The following PLEKHA4 variants were observed in gnomAD, a reference collection of about 807,000 sequenced individuals.
The protein encoded by PLEKHA4 is pleckstrin homology domain-containing family A member 4.
A neutral mutation model predicts 94.7 loss-of-function variants in PLEKHA4; 73 were observed. That is an observed-to-expected ratio of 0.77 (90% confidence interval 0.64 to 0.94). The LOEUF (loss-of-function observed/expected upper bound fraction) is 0.94, where lower values mean the gene tolerates loss of function less well. Among genes scored for constraint, PLEKHA4 ranks in the 40% least tolerant of loss-of-function variants. The probability of loss-of-function intolerance (pLI) is 0.00; values close to 1 mark genes in which losing one functional copy is unlikely to be tolerated. For missense variants in PLEKHA4, 1,049 were observed against 1,054.1 expected, an observed-to-expected ratio of 1.00 and a Z score of 0.07; for synonymous variants, 449 against 437.1, an observed-to-expected ratio of 1.03 and a Z score of -0.34.
At chr19:48,864,926 C>G (rs1037061580) in intron 3 of PLEKHA4, among the ~76,000 whole-genome samples, 1 of 152,084 alleles carries the variant, frequency 6.6e-6, no homozygotes, top group South Asian at 2.1e-4. Flanking sequence ...TATTTATTTA[C>G]TAATTTATTA....
At chr19:48,852,801 C>T (rs768773525) in intron 12 of PLEKHA4, among the ~76,000 whole-genome samples, 2 of 151,966 alleles carry the variant, frequency 1.3e-5, no homozygotes, top group African/African-American at 4.8e-5. Context: ...GGAATGGTGG[C>T]GAGGGCCTGT....
intron 13 of PLEKHA4, among the ~76,000 whole-genome samples, chr19:48,849,372 G>A (rs761570980): frequency 7.2e-5 from 11 of 151,786 alleles, no homozygotes; most frequent in African/African-American, 1.7e-4. Context: ...GCAGTGTCAC[G>A]ATCTCGGCTC....
At chr19:48,838,165 T>G (rs2035615009) in intron 18 of PLEKHA4, 36 bp from the exon 19 acceptor site, 2 of 980,842 alleles carry the variant, frequency 2.0e-6, no homozygotes, top group Non-Finnish European at 3.1e-6. Context: ...TGGGGGTGTG[T>G]ACATGGGGGA....
rs576501188 is a variant in PLEKHA4, at chr19:48,838,539, G to A, written c.1965-410C>T. 2.4e-3 allele frequency among the ~76,000 whole-genome samples: 367 copies of A among 150,828 alleles called. 2 individuals carry two copies. The highest frequency in any genetic ancestry group is 8.7e-3 in the African/African-American group (358 of 41,130). ...AGCACCTTGGGAGGCCGAGGCGGGC[G>A]GATCACTTGAGGTCAGGAGTTCGAG... On this transcript the variant is annotated intron_variant, in intron 18 of 19. Transcript: ENST00000263265.
At position 48,854,103 on chromosome 19, in the gene PLEKHA4, C is replaced by T. The variant is rs371069773; in HGVS notation, c.1096-16G>A. ...TCAGCAGCGTCTGGAGAAAGGAGAG[C>T]GGGAGCTACTGATGGTCCAGATCTG... On this transcript the variant is annotated splice_polypyrimidine_tract_variant and intron_variant, in intron 10 of 19. Coordinates refer to ENST00000263265, the MANE Select transcript of PLEKHA4 (RefSeq NM_020904.3). 6.4e-5 allele frequency: 103 copies of T among 1,614,160 alleles called. No homozygotes were observed. The African/African-American group carries it at 9.5e-4, about 15-fold the overall frequency.
chr19:48,866,352 G>C (rs1213028018), intron 2 of PLEKHA4, among the ~76,000 whole-genome samples: 1 of 151,902 alleles, frequency 6.6e-6, no homozygotes, highest in Non-Finnish European at 1.5e-5. Flanking sequence ...TGTCCCCCAG[G>C]CTGGAGCACA....
In PLEKHA4 at chr19:48,837,147, C is replaced by T; in HGVS notation, c.*142G>A. The T allele has an allele frequency of 3.4e-6, 4 of 1,185,604 alleles. No homozygotes were observed. Among genetic ancestry groups the T allele is most frequent in the Non-Finnish European group, 4.9e-6 (4 of 818,236 alleles). The allele number at this position is 1,185,604 out of a possible 1,614,324, so 73.4% of individuals were successfully genotyped here. ...TTTAGACAGTGTTGAGAAAACCAAA[C>T]TTTGGCCATAGAAACCATTCCCCTC... On this transcript the variant is annotated 3_prime_UTR_variant, in exon 20 of 20. Transcript: ENST00000263265. This position sits in a 1 kb window ranked among gnomAD's most constrained non-coding sequence, Gnocchi z 4.3.
chr19:48,854,261 C>T lies in PLEKHA4; in HGVS notation c.1051G>A (p.Gly351Ser), dbSNP rs760500248. Residue 351 changes from glycine (G) to serine (S), a missense_variant, in exon 10 of 20, where the codon GGT (glycine) becomes AGT (serine). By Grantham distance (56) the Gly-to-Ser change is moderately conservative. Transcript: ENST00000263265. Reference protein sequence around the residue: ...GTRASMVLLPGPPLESTFHQS... With the variant: ...GTRASMVLLPSPPLESTFHQS... ...TGGAAAGTTGACTCCAGGGGAGGAC[C>T]CGGCTGAAGAGAAGGAAAAAAGTCA... 49 of 1,613,920 alleles carry T rather than the reference C, an allele frequency of 3.0e-5. No individual in the cohort carries two copies. The highest frequency in any genetic ancestry group is 4.2e-5 in the Non-Finnish European group (49 of 1,179,954).
intron 16 of PLEKHA4, among the ~76,000 whole-genome samples, chr19:48,841,741 G>T (rs1319194004): frequency 6.6e-6 from 1 of 151,958 alleles, no homozygotes; most frequent in Non-Finnish European, 1.5e-5. Flanking sequence ...GATCACTTGC[G>T]GCCAAGAGTT....
rs377603609 is a variant in PLEKHA4 at position 48,861,578 on chromosome 19, G to C, written c.265+42C>G. ...TGCTAGAGAGAAGGGCAGACTGGGC[G>C]GGGGGGCCCTCCCACCCCAAGCCAG... On this transcript the variant is annotated intron_variant, in intron 4 of 19. Transcript: ENST00000263265. 5.0e-6 allele frequency: 8 copies of C among 1,608,562 alleles called. No individual in the cohort carries two copies. The East Asian group carries it at 6.7e-5, about 13-fold the overall frequency.
At position 48,861,476 on chromosome 19, in the gene PLEKHA4, G is replaced by GCCTAGGACACTCT; in HGVS notation, c.278_290dup (p.Ser98GlufsTer14). ...TATTGTAGCTGGGGAGCAGGACGCT[G>GCCTAGGACACTCT]CCTAGGACACTCTCCTCGCGGCTGT... On this transcript the variant is annotated frameshift_variant, in exon 5 of 20. Coordinates refer to ENST00000263265, the MANE Select transcript of PLEKHA4 (RefSeq NM_020904.3). LOFTEE classifies it high-confidence loss of function. 1 of 1,614,146 alleles carries GCCTAGGACACTCT rather than the reference G, an allele frequency of 6.2e-7. No homozygotes were observed. Among genetic ancestry groups the GCCTAGGACACTCT allele is most frequent in the African/African-American group, 1.3e-5 (1 of 75,052 alleles).
chr19:48,844,854 G>A (rs938695677), intron 16 of PLEKHA4, among the ~76,000 whole-genome samples: 4 of 119,484 alleles, frequency 3.3e-5, no homozygotes, highest in Admixed American at 1.2e-4. Flanking sequence ...TGCTCTTGTC[G>A]CACAAGCTGG....
chr19:48,866,439 T>C (rs926220966), intron 2 of PLEKHA4, among the ~76,000 whole-genome samples: 1 of 152,144 alleles, frequency 6.6e-6, no homozygotes, highest in African/African-American at 2.4e-5. Context: ...CCTGAGTAGC[T>C]GAGATTGCAG....
At chr19:48,844,679 A>T (rs2035898176) in intron 16 of PLEKHA4, 13 of 981,088 alleles carry the variant, frequency 1.3e-5, no homozygotes, top group Non-Finnish European at 1.6e-5. Flanking sequence ...TCAGCAACAG[A>T]CACAGAGCAC....
chr19:48,845,377 C>T lies in PLEKHA4; in HGVS notation c.1736G>A (p.Gly579Glu). 6.2e-7 allele frequency: 1 copy of T among 1,612,802 alleles called. No homozygotes were observed. ...EGRHLPSPQL[G>E]TKAPVARPRM... ...GATGGACCTACAGCTTACCTTGGTTCCTAGCTGTGGGGAAGGGAGGTGGCG... is the reference window on the plus strand; with the variant it reads ...GATGGACCTACAGCTTACCTTGGTTTCTAGCTGTGGGGAAGGGAGGTGGCG... The change falls in exon 16 of 20, where the codon GGA becomes GAA. Residue 579 changes from glycine to glutamate, a missense_variant. By Grantham distance (98) the Gly-to-Glu change is moderately conservative (BLOSUM62 -2). Coordinates refer to ENST00000263265, the MANE Select transcript of PLEKHA4 (RefSeq NM_020904.3).
intron 6 of PLEKHA4, 83 bp downstream of exon 6, chr19:48,860,267 G>A (rs1599922602): frequency 8.4e-7 from 1 of 1,187,730 alleles, no homozygotes; most frequent in East Asian, 2.4e-5. Flanking sequence ...ACTCAAGGGG[G>A]CAGGGCCCCA....
intron 13 of PLEKHA4, among the ~76,000 whole-genome samples, chr19:48,850,898 G>A (rs2036159424): frequency 6.6e-6 from 1 of 152,044 alleles, no homozygotes; most frequent in African/African-American, 2.4e-5. Context: ...CCAGAACTTT[G>A]GGAGGCCGAG....
chr19:48,841,265 G>T lies in PLEKHA4; in HGVS notation c.1789C>A (p.Arg597=). 1.2e-6 allele frequency: 2 copies of T among 1,613,286 alleles called. No homozygotes were observed. The highest frequency in any genetic ancestry group is 1.7e-6 in the Non-Finnish European group (2 of 1,179,786). ...PRMSAQEQLE[R]MRRNQECGRP... ...CCACATTCCTGGTTTCTGCGCATCC[G>T]CTCCAGCTGCTCCTGGGCACTCATC... is the stretch of plus-strand genomic sequence containing the variant. Residue 597 remains arginine, a synonymous_variant, in exon 17 of 20, where the codon CGG becomes AGG. Transcript: ENST00000263265.
intron 5 of PLEKHA4, 35 bp from the exon 6 acceptor site, chr19:48,860,494 G>A (rs945825936): frequency 5.2e-6 from 8 of 1,550,272 alleles, no homozygotes; most frequent in Admixed American, 3.3e-5. Flanking sequence ...CCGGACTCCC[G>A]GGCCTTGTAA....
Sources: allele counts gnomAD v4.1 joint callset (sites outside exome capture counted in the v4.1 genomes callset), GRCh38; gene constraint gnomAD v4.1.1; non-coding constraint Gnocchi (gnomAD v3.1); transcripts MANE v1.5; gene names NCBI Gene and HGNC (gene_info 2026-07-23, HGNC 2026-07-21).